Variants in MYH7 observed in about 807,000 individuals in gnomAD.
The protein encoded by MYH7 is myosin heavy chain 7.
In MYH7, 129 loss-of-function variants were observed where a neutral mutation model predicts 225.4. The ratio of observed to expected loss-of-function variants is 0.57; its 90% CI spans 0.50 to 0.66. MYH7 has a LOEUF of 0.66. Among genes scored for constraint, MYH7 ranks in the 30% least tolerant of loss-of-function variants. MYH7 has a pLI of 0.00. For missense variants in MYH7, 1,649 were observed against 2,517.0 expected, an observed-to-expected ratio of 0.66 and a Z score of 7.38; for synonymous variants, 971 against 1,007.6, an observed-to-expected ratio of 0.96 and a Z score of 0.69.
At position 23,433,346 on chromosome 14, in the gene MYH7, C is replaced by A; in HGVS notation, c.202-119G>T. The A allele has an allele frequency of 6.6e-7, 1 of 1,510,382 alleles. No individual in the cohort carries two copies. The allele number at this position is 1,510,382 out of a possible 1,614,324, so 93.6% of individuals were successfully genotyped here. On this transcript the variant is annotated intron_variant, in intron 3 of 39. Transcript: ENST00000355349. This position sits in a 1 kb window ranked among gnomAD's most constrained non-coding sequence, Gnocchi z 4.1. ...CTCAAGAGAGAAGGAACCAGGATCT[C>A]ACAGGGAAGACAGAAGGGATATTGG... is the stretch of plus-strand genomic sequence containing the variant.
In MYH7 at chr14:23,432,520, G is replaced by T. The variant is rs753953862; in HGVS notation, c.503-14C>A. 1 of 1,614,146 alleles carries T rather than the reference G, an allele frequency of 6.2e-7. No homozygotes were observed. Among genetic ancestry groups the T allele is most frequent in the South Asian group, 1.1e-5 (1 of 91,076 alleles). On this transcript the variant is annotated splice_polypyrimidine_tract_variant and intron_variant, in intron 5 of 39. Transcript: ENST00000355349. ...GGTTTTCTCTGTCTGTGGGGAGAGG[G>T]TGGGGAGGAAAGGTCAGGAGCTGCA...
At chr14:23,418,480 A>T (rs1271695366) in intron 29 of MYH7, 74 bp from the exon 30 acceptor site, 1 of 1,481,858 alleles carries the variant, frequency 6.7e-7, no homozygotes, top group African/African-American at 1.4e-5. Flanking sequence ...CCTTCTCCTC[A>T]CCCCAATCTC....
rs397516142 is a variant in MYH7 at position 23,425,357 on chromosome 14, C to T, written c.2348G>A (p.Arg783His). 2.8e-5 allele frequency: 45 copies of T among 1,614,014 alleles called. No individual in the cohort carries two copies. The highest frequency in any genetic ancestry group is 1.6e-4 in the Middle Eastern group (1 of 6,084). ...CTGGGCCTGGATACGCGTGATGATG[C>T]GGCTCAGCCTCTCGTCCCTCATTTC... is the stretch of plus-strand genomic sequence containing the variant. ...LEEMRDERLS[R>H]IITRIQAQSR... Residue 783 changes from arginine (R) to histidine (H), a missense_variant, in exon 21 of 40, where the codon CGC becomes CAC. Arg to His is a conservative substitution (Grantham distance 29). Coordinates refer to ENST00000355349, the MANE Select transcript of MYH7 (RefSeq NM_000257.4). The surrounding 1 kb of genome is among the most constrained non-coding windows in gnomAD (Gnocchi z 4.6).
At chr14:23,428,316 C>G (rs1350639464) in intron 15 of MYH7, among the ~76,000 whole-genome samples, 184 bp downstream of exon 15, 1 of 152,166 alleles carries the variant, frequency 6.6e-6, no homozygotes, top group Non-Finnish European at 1.5e-5. Flanking sequence ...CCTGGGAAAT[C>G]AGCTGTCCCT....
chr14:23,423,768 G>T, intron 23 of MYH7, 45 bp from the exon 24 acceptor site: 1 of 1,613,484 alleles, frequency 6.2e-7, no homozygotes, highest in Non-Finnish European at 8.5e-7. Context: ...AAGGTCACCA[G>T]CTTGGTGCCA....
chr14:23,432,849 G>A, intron 4 of MYH7, 54 bp from the exon 5 acceptor site: 1 of 1,607,854 alleles, frequency 6.2e-7, no homozygotes, highest in Non-Finnish European at 8.5e-7. Flanking sequence ...GAGGGCTGGT[G>A]ATTTTGGGAG....
chr14:23,431,396 C>A (rs956268031), intron 9 of MYH7, 22 bp downstream of exon 9: 9 of 1,612,306 alleles, frequency 5.6e-6, no homozygotes, highest in Admixed American at 1.7e-5. Context: ...TAGGCTGAGC[C>A]TAGCAGATTC....
intron 30 of MYH7, 168 bp from the exon 31 acceptor site, chr14:23,417,854 C>T (rs1206131961): frequency 1.9e-6 from 2 of 1,053,652 alleles, no homozygotes; most frequent in Admixed American, 1.8e-5. Context: ...AGGATCCCAG[C>T]AGGGCGTGGA....
chr14:23,422,596 TCTC>T (rs1892522983), intron 24 of MYH7, among the ~76,000 whole-genome samples: 1 of 112,642 alleles, frequency 8.9e-6, no homozygotes, highest in Non-Finnish European at 1.8e-5. Flanking sequence ...TCTTTCTTTC[TCTC>T]CTTTCTTTCT....
At chr14:23,429,128 T>C (rs988308663) in intron 13 of MYH7, 24 bp from the exon 14 acceptor site, 4 of 1,614,048 alleles carry the variant, frequency 2.5e-6, no homozygotes, top group South Asian at 1.1e-5. Flanking sequence ...GAGAGACCCA[T>C]ATTGAGCAGG....
chr14:23,430,780 C>T, intron 10 of MYH7, 117 bp from the exon 11 acceptor site: 1 of 1,267,494 alleles, frequency 7.9e-7, no homozygotes, highest in Non-Finnish European at 1.2e-6. Flanking sequence ...GGCCCCACAT[C>T]CCACTGAATT....
chr14:23,419,782 A>G (rs1189151624), intron 27 of MYH7, 63 bp downstream of exon 27: 8 of 1,613,386 alleles, frequency 5.0e-6, no homozygotes, highest in Non-Finnish European at 6.8e-6. Context: ...AAGAGACACT[A>G]CATGGACAGA....
chr14:23,419,025 A>G (rs1892350965), intron 29 of MYH7, 152 bp downstream of exon 29: 1 of 778,326 alleles, frequency 1.3e-6, no homozygotes, highest in Admixed American at 1.8e-5. Context: ...AGTAGATGGC[A>G]TGTGGCAGGG....
rs752105000 is a variant in MYH7, at chr14:23,415,333, C to T, written c.5283+48G>A. The T allele has an allele frequency of 6.2e-6, 10 of 1,614,222 alleles. No individual in the cohort carries two copies. In the South Asian group the frequency reaches 1.1e-4, roughly 18 times the overall value. ...GTCCTCACACACTTGCTGCCCAGCC[C>T]ACGGAGAGACACTGGTCTGGATCGG... On this transcript the variant is annotated intron_variant, in intron 36 of 39. Transcript: ENST00000355349. The surrounding 1 kb of genome is among the most constrained non-coding windows in gnomAD (Gnocchi z 6.3).
Position 23,416,177 on chromosome 14 carries a change from C to A in MYH7, c.4780G>T (p.Val1594Leu). 6.2e-7 allele frequency: 1 copy of A among 1,614,152 alleles called. No homozygotes were observed. The highest frequency in any genetic ancestry group is 8.5e-7 in the Non-Finnish European group (1 of 1,180,038). The change falls in exon 34 of 40, where the codon GTG becomes TTG. Residue 1594 changes from valine (V) to leucine (L), a missense_variant. By Grantham distance (32) the Val-to-Leu change is conservative. This residue lies in a region of MYH7 where 687 missense variants were observed against 913.8 expected (regional missense o/e 0.75). Transcript: ENST00000355349. ...EQAKRNHLRV[V>L]DSLQTSLDAE... ...TCCAGGGAGGTCTGCAGCGAGTCCACCACCCGCAGGTGGTTGCGCTTGGCC... is the reference window on the plus strand; with the variant it reads ...TCCAGGGAGGTCTGCAGCGAGTCCAACACCCGCAGGTGGTTGCGCTTGGCC...
chr14:23,433,097 G>A lies in MYH7; in HGVS notation c.332C>T (p.Ser111Phe). ...VLYNLKDRYG[S>F]WMIYTYSGLF... is the part of the protein sequence containing the mutation. ...TGCAGCACTCACGTAGATCATCCAG[G>A]AGCCGTAGCGATCCTTGAGGTTGTA... The change falls in exon 4 of 40, where the codon TCC becomes TTC. Residue 111 changes from serine to phenylalanine, a missense_variant. Transcript: ENST00000355349. This position sits in a 1 kb window ranked among gnomAD's most constrained non-coding sequence, Gnocchi z 4.1. The A allele has an allele frequency of 6.2e-7, 1 of 1,614,114 alleles. No individual in the cohort carries two copies. Among genetic ancestry groups the A allele is most frequent in the Non-Finnish European group, 8.5e-7 (1 of 1,180,020 alleles).
chr14:23,431,726 C>G, intron 7 of MYH7, 35 bp downstream of exon 7: 1 of 1,614,194 alleles, frequency 6.2e-7, no homozygotes, highest in Non-Finnish European at 8.5e-7. Flanking sequence ...CCCTCCCTTT[C>G]TGCGGTACAG....
chr14:23,432,592 C>T lies in MYH7; in HGVS notation c.502+47G>A, dbSNP rs772918912. 2.7e-5 allele frequency: 44 copies of T among 1,614,040 alleles called. 2 individuals carry two copies. The highest frequency in any genetic ancestry group is 6.6e-5 in the South Asian group (6 of 91,082). On this transcript the variant is annotated intron_variant, in intron 5 of 39. Coordinates refer to ENST00000355349, the MANE Select transcript of MYH7 (RefSeq NM_000257.4). ...CTCCCTTCCTTCTCCCTCTCCCTCC[C>T]GGCCTATCCCAGTTCCCTTCAGGAA...
rs146623405 is a variant in MYH7 at position 23,413,402 on chromosome 14, C to G, written c.5790+357G>C. Among the ~76,000 whole-genome samples the G allele has an allele frequency of 2.9e-3, 439 of 152,124 alleles. 1 individual carries two copies. The highest frequency in any genetic ancestry group is 4.6e-3 in the South Asian group (22 of 4,808). On this transcript the variant is annotated intron_variant, in intron 39 of 39. Transcript: ENST00000355349. Reference sequence around the variant, plus strand: ...GACCAGCCTGGCCAACATGGTGAAACCGCATCTCTACTAAAATATAAAAAT... The same window carrying G: ...GACCAGCCTGGCCAACATGGTGAAAGCGCATCTCTACTAAAATATAAAAAT...
Sources: gnomAD v4.1 joint callset for allele counts (sites outside exome capture counted in the v4.1 genomes callset) on GRCh38, gnomAD v4.1.1 for gene constraint, gnomAD v4.1.1 regional missense constraint, Gnocchi (gnomAD v3.1) non-coding constraint, MANE v1.5 for transcripts, NCBI Gene and HGNC (gene_info 2026-07-23, HGNC 2026-07-21) for gene names.